RPS6KC1: variants seen among roughly 807,000 people sequenced by gnomAD.
RPS6KC1 encodes the protein inactive ribosomal protein S6 kinase delta-1.
In RPS6KC1, 54 loss-of-function variants were observed where a neutral mutation model predicts 103.8. The ratio of observed to expected loss-of-function variants is 0.52; its 90% CI spans 0.42 to 0.65. RPS6KC1 has a LOEUF of 0.65. Among genes scored for constraint, RPS6KC1 ranks in the 30% least tolerant of loss-of-function variants. The probability of loss-of-function intolerance (pLI) is 0.00; values close to 1 mark genes in which losing one functional copy is unlikely to be tolerated. For missense variants in RPS6KC1, 1,151 were observed against 1,253.8 expected (o/e 0.92, Z 1.24); for synonymous variants, 439 against 438.7 (o/e 1.00, Z -0.01).
At chr1:213,801,627 G>T in the RPS6KC1 span, among the ~76,000 whole-genome samples, 1 of 135,944 alleles carries the variant, frequency 7.4e-6, no homozygotes, top group South Asian at 2.4e-4. Context: ...AGCTTTGGTG[G>T]TGTTCAAAAG....
At chr1:213,657,021 G>C in the RPS6KC1 span, among the ~76,000 whole-genome samples, 18,123 of 152,194 alleles carry the variant, frequency 0.12, 1,257 homozygotes, top group South Asian at 0.24. Flanking sequence ...AGGTGAAACC[G>C]TGTGGGCTGA....
At chr1:213,786,658 G>C in the RPS6KC1 span, among the ~76,000 whole-genome samples, 1 of 152,160 alleles carries the variant, frequency 6.6e-6, no homozygotes, top group East Asian at 1.9e-4. Flanking sequence ...TTTGTCAACT[G>C]TATATTTTGA....
chr1:213,472,493 T>C, the RPS6KC1 span, among the ~76,000 whole-genome samples: 11 of 152,338 alleles, frequency 7.2e-5, no homozygotes, highest in Admixed American at 6.5e-4. Context: ...GGCCCTCTGA[T>C]AGAGCCCGTG....
chr1:213,675,071 T>A, the RPS6KC1 span, among the ~76,000 whole-genome samples: 6 of 152,224 alleles, frequency 3.9e-5, no homozygotes, highest in Non-Finnish European at 7.3e-5. Context: ...GCAAATATTT[T>A]CTCTCATTCT....
At chr1:213,243,968 A>G (rs943098116) in intron 12 of RPS6KC1, among the ~76,000 whole-genome samples, 2 of 152,200 alleles carry the variant, frequency 1.3e-5, no homozygotes, top group Admixed American at 6.5e-5. Flanking sequence ...TTTCCAACCT[A>G]TAAAATAAAT....
chr1:213,808,258 C>A, the RPS6KC1 span, among the ~76,000 whole-genome samples: 1 of 152,216 alleles, frequency 6.6e-6, no homozygotes, highest in Non-Finnish European at 1.5e-5. Flanking sequence ...GGCAGTCTGC[C>A]CGTTCTCAGA....
the RPS6KC1 span, among the ~76,000 whole-genome samples, chr1:213,399,481 A>G: frequency 6.6e-6 from 1 of 152,222 alleles, no homozygotes; most frequent in South Asian, 2.1e-4. Flanking sequence ...CCACGGATGG[A>G]TTCTTGCTTT....
the RPS6KC1 span, among the ~76,000 whole-genome samples, chr1:213,696,323 A>G: frequency 2.6e-5 from 4 of 151,842 alleles, no homozygotes; most frequent in Non-Finnish European, 5.9e-5. Context: ...AACATGGAGA[A>G]ACTCCGTCTG....
At chr1:213,726,322 T>TC in the RPS6KC1 span, among the ~76,000 whole-genome samples, 4 of 152,170 alleles carry the variant, frequency 2.6e-5, no homozygotes, top group African/African-American at 9.7e-5. Context: ...CAACCCTCCT[T>TC]CCTTGGCCTC....
chr1:213,282,329 T>G, the RPS6KC1 span, among the ~76,000 whole-genome samples: 1 of 152,252 alleles, frequency 6.6e-6, no homozygotes, highest in African/African-American at 2.4e-5. Flanking sequence ...TGTTTCATGT[T>G]GTTGAGACGG....
chr1:213,587,940 A>G, the RPS6KC1 span, among the ~76,000 whole-genome samples: 1 of 152,318 alleles, frequency 6.6e-6, no homozygotes, highest in Non-Finnish European at 1.5e-5. Flanking sequence ...TTTAGAAACA[A>G]TAGAAATTTA....
the RPS6KC1 span, among the ~76,000 whole-genome samples, chr1:213,627,329 A>C: frequency 4.6e-5 from 7 of 152,144 alleles, no homozygotes; most frequent in African/African-American, 1.4e-4. Flanking sequence ...TGGGCTGAGA[A>C]AATGGGGTTT....
At chr1:213,300,963 T>C in the RPS6KC1 span, among the ~76,000 whole-genome samples, 1 of 152,150 alleles carries the variant, frequency 6.6e-6, no homozygotes, top group Non-Finnish European at 1.5e-5. Context: ...GCCGATCCTC[T>C]TCTTCACACT....
At chr1:213,176,357 G>T in intron 7 of RPS6KC1, 43 bp from the exon 8 acceptor site, 1 of 1,384,550 alleles carries the variant, frequency 7.2e-7, no homozygotes, top group Non-Finnish European at 1.0e-6. Flanking sequence ...CTTCCTTCAA[G>T]TACCTCCCTG....
the RPS6KC1 span, among the ~76,000 whole-genome samples, chr1:213,510,677 CTAGGAAACCA>C: frequency 1.3e-5 from 2 of 152,152 alleles, no homozygotes; most frequent in Admixed American, 1.3e-4. Context: ...CCTGTTTTCT[CTAGGAAACCA>C]TTTCACTGTT....
At chr1:213,738,935 T>C in the RPS6KC1 span, among the ~76,000 whole-genome samples, 9 of 151,792 alleles carry the variant, frequency 5.9e-5, no homozygotes, top group Non-Finnish European at 1.3e-4. Context: ...AGGTTTTTTT[T>C]TTTTTAAATG....
intron 8 of RPS6KC1, among the ~76,000 whole-genome samples, chr1:213,228,264 C>CT (rs2094005820): frequency 6.6e-6 from 1 of 152,110 alleles, no homozygotes; most frequent in Non-Finnish European, 1.5e-5. Context: ...ATAGTGATAG[C>CT]AGTAATAGCA....
the RPS6KC1 span, among the ~76,000 whole-genome samples, chr1:213,450,932 G>A: frequency 7.2e-6 from 1 of 139,116 alleles, no homozygotes; most frequent in East Asian, 2.2e-4. Flanking sequence ...CTGAGTTCGT[G>A]CCATTGCACT....
At chr1:213,448,425 G>A in the RPS6KC1 span, among the ~76,000 whole-genome samples, 1 of 152,068 alleles carries the variant, frequency 6.6e-6, no homozygotes, top group Non-Finnish European at 1.5e-5. Flanking sequence ...GCACATGCAA[G>A]TTTGAGCCTT....
Sources: gnomAD v4.1 joint callset for allele counts (sites outside exome capture counted in the v4.1 genomes callset) on GRCh38, gnomAD v4.1.1 for gene constraint, MANE v1.5 for transcripts, NCBI Gene and HGNC (gene_info 2026-07-23, HGNC 2026-07-21) for gene names.